STOX2: variants seen among roughly 807,000 people sequenced by gnomAD.
The protein encoded by STOX2 is storkhead box 2.
In STOX2, 28 loss-of-function variants were observed where a neutral mutation model predicts 60.9. The ratio of observed to expected loss-of-function variants is 0.46; its 90% CI spans 0.34 to 0.63. STOX2 has a LOEUF of 0.63. STOX2 is among the 30% of genes least tolerant of loss of function. STOX2 has a pLI of 0.01. For synonymous variants in STOX2, 472 were observed against 463.9 expected (o/e 1.02, Z -0.22); for missense variants, 1,024 against 1,187.7 (o/e 0.86, Z 2.03).
At chr4:183,990,304 TG>T (rs1733046285) in intron 1 of STOX2, among the ~76,000 whole-genome samples, 1 of 152,210 alleles carries the variant, frequency 6.6e-6, no homozygotes, top group African/African-American at 2.4e-5. Flanking sequence ...TCTAAATCCT[TG>T]AAACTCCCAT....
At chr4:183,932,736 C>CT (rs11415743) in intron 1 of STOX2, among the ~76,000 whole-genome samples, 151,649 of 152,292 alleles carry the variant, frequency 1, 75,508 homozygotes, top group Middle Eastern at 1. Context: ...CATGGCTGCT[C>CT]TGTTGAAGCA....
chr4:183,999,110 G>GA (rs977203264), intron 1 of STOX2, among the ~76,000 whole-genome samples: 8 of 151,626 alleles, frequency 5.3e-5, no homozygotes, highest in Non-Finnish European at 8.8e-5. Context: ...TTTTTTGTAG[G>GA]AAAAAAAAGG....
At chr4:183,907,096 C>G (rs1175239346) in intron 1 of STOX2, 140 bp downstream of exon 1, 2 of 703,602 alleles carry the variant, frequency 2.8e-6, no homozygotes, top group Non-Finnish European at 4.6e-6. Flanking sequence ...AATTAGCTCC[C>G]ATCCACCATT....
At chr4:183,977,776 T>C (rs10012507) in intron 1 of STOX2, among the ~76,000 whole-genome samples, 7,258 of 152,292 alleles carry the variant, frequency 0.048, 583 homozygotes, top group African/African-American at 0.17. Flanking sequence ...CTATTTTCCA[T>C]AGAGGTTGTA....
chr4:183,901,340 T>A (rs769549404), upstream of STOX2, among the ~76,000 whole-genome samples: 24 of 152,216 alleles, frequency 1.6e-4, no homozygotes, highest in Non-Finnish European at 2.2e-4. Context: ...GCGCCCATGT[T>A]TTAACTATTG....
At chr4:183,906,997 C>T in intron 1 of STOX2, 41 bp downstream of exon 1, 1 of 1,481,242 alleles carries the variant, frequency 6.8e-7, no homozygotes, top group Non-Finnish European at 9.1e-7. Context: ...GCCGGGGCCG[C>T]GGGACGTGCT....
At chr4:183,995,311 TTTTTTTTTTTTTG>T (rs57912881) in intron 1 of STOX2, among the ~76,000 whole-genome samples, 2,093 of 53,450 alleles carry the variant, frequency 0.039, 39 homozygotes, top group Middle Eastern at 0.088. Context: ...TTTTTTTTTT[TTTTTTTTTTTTTG>T]CACAAATAGA....
At chr4:183,857,047 C>T (rs973924182) in intron 1 of STOX2, among the ~76,000 whole-genome samples, 1 of 152,150 alleles carries the variant, frequency 6.6e-6, no homozygotes, top group Non-Finnish European at 1.5e-5. Context: ...ACAAGCCTTC[C>T]TCTCCCTTCT....
chr4:183,894,858 C>A (rs1051128353), intron 1 of STOX2, among the ~76,000 whole-genome samples: 1 of 152,168 alleles, frequency 6.6e-6, no homozygotes, highest in East Asian at 1.9e-4. Context: ...TCTGTATAAA[C>A]GAGCTGCGGG....
In STOX2 at chr4:183,881,082, A is replaced by AATG. The variant is rs1232066950; in HGVS notation, c.364+83028_364+83029insTGA. Among the ~76,000 whole-genome samples the AATG allele has an allele frequency of 6.6e-3, 1,002 of 152,278 alleles. 10 individuals carry two copies. The highest frequency in any genetic ancestry group is 0.021 in the African/African-American group (867 of 41,538). ...AGCCTTTCTGCCTTCAATGAGACTGAAGTAAATTGCCTTTTCTGAATTCCC... is the reference window on the plus strand; with the variant it reads ...AGCCTTTCTGCCTTCAATGAGACTGAATGAGTAAATTGCCTTTTCTGAATTCCC... On this transcript the variant is annotated intron_variant, in intron 1 of 2. Coordinates refer to the STOX2 transcript ENST00000513034.
intron 1 of STOX2, among the ~76,000 whole-genome samples, chr4:183,849,971 C>CTT (rs567356241): frequency 6.7e-6 from 1 of 149,514 alleles, no homozygotes; most frequent in Non-Finnish European, 1.5e-5. Context: ...TTCTTTCTTT[C>CTT]TTTTTTTTTG....
intron 1 of STOX2, among the ~76,000 whole-genome samples, chr4:183,810,738 C>T (rs903181029): frequency 1.3e-5 from 2 of 151,746 alleles, no homozygotes. Flanking sequence ...CCACCCCATG[C>T]AATGGCTTCT....
At chr4:183,938,166 A>T (rs544383795) in intron 1 of STOX2, among the ~76,000 whole-genome samples, 2 of 152,140 alleles carry the variant, frequency 1.3e-5, no homozygotes, top group Admixed American at 6.5e-5. Context: ...AAAACAAAAC[A>T]GTTCTGAACT....
chr4:183,874,874 C>T (rs185375842), intron 1 of STOX2, among the ~76,000 whole-genome samples: 1,662 of 125,186 alleles, frequency 0.013, 38 homozygotes, highest in African/African-American at 0.049. Flanking sequence ...TGCAGTGAGC[C>T]AAGATCATGC....
At chr4:183,956,817 A>G (rs1159751269) in intron 1 of STOX2, among the ~76,000 whole-genome samples, 1 of 151,806 alleles carries the variant, frequency 6.6e-6, no homozygotes, top group Non-Finnish European at 1.5e-5. Context: ...GAGTTTTCCA[A>G]CCTCCTTTTG....
At chr4:183,933,602 T>G (rs1742501184) in intron 1 of STOX2, among the ~76,000 whole-genome samples, 1 of 152,160 alleles carries the variant, frequency 6.6e-6, no homozygotes, top group Non-Finnish European at 1.5e-5. Context: ...TTGGCCGGGC[T>G]GGCCTCGAAC....
At chr4:183,823,048 T>C (rs1382135660) in intron 1 of STOX2, among the ~76,000 whole-genome samples, 1 of 152,228 alleles carries the variant, frequency 6.6e-6, no homozygotes, top group Non-Finnish European at 1.5e-5. Context: ...ATCTACGTTT[T>C]TCTTTCAATA....
At position 184,021,059 on chromosome 4, in the gene STOX2, A is replaced by ATAT. The variant is rs1245673090; in HGVS notation, c.*3777_*3779dup. The ATAT allele has an allele frequency of 3.3e-5, 5 of 152,254 alleles. No homozygotes were observed. The highest frequency in any genetic ancestry group is 4.8e-5 in the African/African-American group (2 of 41,464). 9.4% of individuals were successfully genotyped at this position (152,254 alleles called of 1,614,324 possible). On this transcript the variant is annotated 3_prime_UTR_variant, in exon 4 of 4. Transcript: ENST00000308497. Reference sequence around the variant, plus strand: ...AAAGTTTTTAACTTAAATTACAAGCATATTGCTCATAATACAATAGTGATC... The same window carrying ATAT: ...AAAGTTTTTAACTTAAATTACAAGCATATTATTGCTCATAATACAATAGTGATC...
chr4:183,925,924 C>T (rs1407070134), intron 1 of STOX2, among the ~76,000 whole-genome samples: 1 of 151,754 alleles, frequency 6.6e-6, no homozygotes, highest in South Asian at 2.1e-4. Context: ...GTGCCCTGAA[C>T]TTTTATTTAT....
Sources: gnomAD v4.1 joint callset for allele counts (sites outside exome capture counted in the v4.1 genomes callset) on GRCh38, gnomAD v4.1.1 for gene constraint, MANE v1.5 for transcripts, NCBI Gene and HGNC (gene_info 2026-07-23, HGNC 2026-07-21) for gene names.